ZRANB2: variants seen among roughly 807,000 people sequenced by gnomAD.
The protein encoded by ZRANB2 is zinc finger Ran-binding domain-containing protein 2.
ZRANB2 carries 19 observed loss-of-function variants against 53.4 expected under a neutral mutation model. The ratio of observed to expected loss-of-function variants is 0.36; its 90% CI spans 0.25 to 0.52. ZRANB2 has a LOEUF of 0.52. Among genes scored for constraint, ZRANB2 ranks in the 20% least tolerant of loss-of-function variants. The pLI is 0.93. For synonymous variants in ZRANB2, 145 were observed against 134.8 expected (o/e 1.08, Z -0.52); for missense variants, 309 against 401.1 (o/e 0.77, Z 1.96).
chr1:71,078,984 C>G (rs1278506532), intron 1 of ZRANB2, among the ~76,000 whole-genome samples: 1 of 152,194 alleles, frequency 6.6e-6, no homozygotes, highest in African/African-American at 2.4e-5. Context: ...CACATTAGCA[C>G]ATATCATTAG....
intron 9 of ZRANB2, 113 bp downstream of exon 9, chr1:71,066,663 T>C (rs918115222): frequency 1.6e-5 from 18 of 1,134,642 alleles, no homozygotes; most frequent in Non-Finnish European, 2.1e-5. Flanking sequence ...AGTTGAAAAG[T>C]AGAAAGTCGG....
intron 3 of ZRANB2, among the ~76,000 whole-genome samples, chr1:71,078,196 G>A (rs1047659593): frequency 6.6e-6 from 1 of 152,024 alleles, no homozygotes. Context: ...ACCACCCCCC[G>A]ATTGGTTTTG....
chr1:71,066,917 T>C lies in ZRANB2; in HGVS notation c.788A>G (p.His263Arg). 6.3e-7 allele frequency: 1 copy of C among 1,590,168 alleles called. No homozygotes were observed. Among genetic ancestry groups the C allele is most frequent in the South Asian group, 1.2e-5 (1 of 84,320 alleles). The change falls in exon 9 of 10, where the codon CAC (histidine) becomes CGC (arginine). Residue 263 changes from histidine to arginine, a missense_variant. By Grantham distance (29) the His-to-Arg change is conservative. Transcript: ENST00000370920. ...GSKSRSSSRS[H>R]RGSSSPRKRS... ...TTTTCGTGGGGAAGAAGAGCCCCTG[T>C]GGGACCTGGAGCTGGATCTTCATTG...
At chr1:71,076,593 C>T (rs1354692446) in intron 4 of ZRANB2, among the ~76,000 whole-genome samples, 2 of 151,980 alleles carry the variant, frequency 1.3e-5, no homozygotes, top group South Asian at 4.2e-4. Context: ...GATAAAGGTC[C>T]CTAACACTGT....
chr1:71,079,598 G>T (rs1163219795), intron 1 of ZRANB2, among the ~76,000 whole-genome samples: 1 of 152,082 alleles, frequency 6.6e-6, no homozygotes, highest in Non-Finnish European at 1.5e-5. Context: ...ACTCCATTAA[G>T]CATGGAAAAT....
intron 3 of ZRANB2, 86 bp from the exon 4 acceptor site, chr1:71,076,963 A>C (rs1573060959): frequency 9.8e-6 from 10 of 1,016,580 alleles, no homozygotes; most frequent in Middle Eastern, 2.8e-4. Context: ...TAAAATAAAA[A>C]CTAGGATGAA....
chr1:71,065,918 A>G (rs1169170860), intron 9 of ZRANB2: 8 of 976,888 alleles, frequency 8.2e-6, no homozygotes, highest in Non-Finnish European at 1.0e-5. Context: ...GAGAAACAAG[A>G]CTGTGTGAAA....
In ZRANB2 at chr1:71,069,379, C is replaced by T. The variant is rs762645735; in HGVS notation, c.684-17G>A. The T allele has an allele frequency of 6.2e-6, 10 of 1,607,524 alleles. No homozygotes were observed. Among genetic ancestry groups the T allele is most frequent in the East Asian group, 2.2e-5 (1 of 44,710 alleles). ...GAACGGGACCTGGAACAACATGGAA[C>T]GATTTTTTTTTTCCAGGACCATTTA... On this transcript the variant is annotated splice_polypyrimidine_tract_variant and intron_variant, in intron 7 of 9. Transcript: ENST00000370920.
At chr1:71,076,378 A>T (rs534933486) in intron 4 of ZRANB2, among the ~76,000 whole-genome samples, 1 of 152,350 alleles carries the variant, frequency 6.6e-6, no homozygotes, top group African/African-American at 2.4e-5. Flanking sequence ...CAGATAATCT[A>T]GCACATAGCT....
chr1:71,069,921 C>T (rs925032999), intron 7 of ZRANB2, among the ~76,000 whole-genome samples: 2 of 152,000 alleles, frequency 1.3e-5, no homozygotes, highest in Non-Finnish European at 2.9e-5. Context: ...ATGGTTCGTA[C>T]AAATTTTAAA....
intron 1 of ZRANB2, 113 bp downstream of exon 1, chr1:71,080,827 G>C: frequency 7.8e-7 from 1 of 1,281,158 alleles, no homozygotes; most frequent in Non-Finnish European, 1.1e-6. Flanking sequence ...GCGGTTCGCC[G>C]CCTCAACCCG....
intron 6 of ZRANB2, 120 bp downstream of exon 6, chr1:71,072,001 G>T: frequency 1.4e-6 from 2 of 1,419,948 alleles, no homozygotes; most frequent in African/African-American, 1.4e-5. Flanking sequence ...CAAAACCTTT[G>T]TGAGAACAAA....
chr1:71,079,161 G>C (rs1012506475), intron 1 of ZRANB2, among the ~76,000 whole-genome samples: 2 of 150,906 alleles, frequency 1.3e-5, no homozygotes, highest in Admixed American at 1.3e-4. Context: ...ACATGCAGTA[G>C]GTAGGATGCT....
At chr1:71,071,642 G>A (rs989613001) in intron 6 of ZRANB2, among the ~76,000 whole-genome samples, 20 of 152,000 alleles carry the variant, frequency 1.3e-4, no homozygotes, top group African/African-American at 4.8e-4. Context: ...ACTGGCCTAT[G>A]TATGGTATTT....
chr1:71,079,247 CA>C (rs993728971), intron 1 of ZRANB2, among the ~76,000 whole-genome samples: 11 of 152,052 alleles, frequency 7.2e-5, no homozygotes, highest in African/African-American at 2.7e-4. Flanking sequence ...CTGAGTTTTA[CA>C]GGGCATTTCT....
intron 1 of ZRANB2, among the ~76,000 whole-genome samples, chr1:71,080,640 T>C (rs993990372): frequency 1.3e-5 from 1 of 75,956 alleles, no homozygotes; most frequent in East Asian, 4.3e-4. Context: ...CGCTAAAACC[T>C]GGCCGGGGCG....
chr1:71,069,239 T>TTC, intron 8 of ZRANB2, 37 bp downstream of exon 8: 1 of 1,510,660 alleles, frequency 6.6e-7, no homozygotes, highest in South Asian at 1.2e-5. Context: ...TTAAATATTT[T>TTC]TCTCTCTGCT....
At chr1:71,080,788 T>C (rs369815959) in intron 1 of ZRANB2, 152 bp downstream of exon 1, 13 of 846,090 alleles carry the variant, frequency 1.5e-5, no homozygotes, top group Admixed American at 5.8e-5. Context: ...CGTGAGGAGA[T>C]TGGGAGCCTT....
At chr1:71,079,760 G>T (rs1246255440) in intron 1 of ZRANB2, among the ~76,000 whole-genome samples, 1 of 152,096 alleles carries the variant, frequency 6.6e-6, no homozygotes, top group Non-Finnish European at 1.5e-5. Flanking sequence ...TTATTTTACA[G>T]GTAACAACAA....
Sources: gnomAD v4.1 joint callset for allele counts (sites outside exome capture counted in the v4.1 genomes callset) on GRCh38, gnomAD v4.1.1 for gene constraint, MANE v1.5 for transcripts, NCBI Gene and HGNC (gene_info 2026-07-23, HGNC 2026-07-21) for gene names.